C1orf21: variants seen among roughly 807,000 people sequenced by gnomAD.
C1orf21 encodes the protein chromosome 1 open reading frame 21, also known as uncharacterized protein C1orf21.
Under a neutral mutation model 18.7 loss-of-function variants are expected in C1orf21, and 3 were observed. The ratio of observed to expected loss-of-function variants is 0.16; its 90% CI spans 0.07 to 0.42. The LOEUF is 0.42. Ranked by LOEUF, C1orf21 falls within the 10% of genes least tolerant of loss-of-function variation. The probability of loss-of-function intolerance (pLI) is 0.99; values close to 1 mark genes in which losing one functional copy is unlikely to be tolerated. For synonymous variants in C1orf21, 41 were observed against 46.4 expected (o/e 0.88, Z 0.47); for missense variants, 104 against 143.6 (o/e 0.72, Z 1.41).
At chr1:184,603,173 G>A (rs1417940901) in intron 5 of C1orf21, among the ~76,000 whole-genome samples, 1 of 152,364 alleles carries the variant, frequency 6.6e-6, no homozygotes, top group East Asian at 1.9e-4. Flanking sequence ...GCTTCCGTCA[G>A]ATCCAGGGCC....
intron 1 of C1orf21, among the ~76,000 whole-genome samples, chr1:184,414,407 T>A (rs181696883): frequency 1.3e-5 from 2 of 152,286 alleles, no homozygotes; most frequent in Non-Finnish European, 2.9e-5. Flanking sequence ...AGATGATAGG[T>A]GTAAGTCACT....
chr1:184,536,913 A>G (rs940391249), intron 3 of C1orf21, among the ~76,000 whole-genome samples: 1 of 152,158 alleles, frequency 6.6e-6, no homozygotes, highest in African/African-American at 2.4e-5. Context: ...AAAAGAAACA[A>G]ATTAACTGGG....
intron 2 of C1orf21, among the ~76,000 whole-genome samples, chr1:184,488,782 C>G (rs985392714): frequency 6.6e-6 from 1 of 152,110 alleles, no homozygotes; most frequent in African/African-American, 2.4e-5. Context: ...CTGGGCAACA[C>G]GGTGAAATCC....
At chr1:184,398,632 A>G (rs1019226534) in intron 1 of C1orf21, among the ~76,000 whole-genome samples, 2 of 152,190 alleles carry the variant, frequency 1.3e-5, no homozygotes, top group South Asian at 4.1e-4. Context: ...ACAAACCTAG[A>G]TGGTATAGCT....
At position 184,628,068 on chromosome 1, in the gene C1orf21, T is replaced by A. The variant is rs1371503738; in HGVS notation, c.*8512T>A. 6.6e-6 allele frequency: 1 copy of A among 152,178 alleles called. No individual in the cohort carries two copies. The highest frequency in any genetic ancestry group is 1.5e-5 in the Non-Finnish European group (1 of 68,028). The allele number at this position is 152,178 out of a possible 1,614,324, so 9.4% of individuals were successfully genotyped here. ...AAGATTACGAGGCATCACCTCTCAA[T>A]CAGGTCTGGGAGGTATCTTGGGGCA... On this transcript the variant is annotated 3_prime_UTR_variant, in exon 6 of 6. Transcript: ENST00000235307.
intron 2 of C1orf21, among the ~76,000 whole-genome samples, chr1:184,490,618 T>C (rs956666247): frequency 1.2e-4 from 19 of 152,196 alleles, no homozygotes; most frequent in Non-Finnish European, 2.1e-4. Flanking sequence ...CTCTGGATTT[T>C]TTTTCAAGAC....
chr1:184,570,983 C>T (rs998273335), intron 3 of C1orf21, among the ~76,000 whole-genome samples: 12 of 152,188 alleles, frequency 7.9e-5, no homozygotes, highest in Non-Finnish European at 1.8e-4. Context: ...TCCATCTAAA[C>T]ATCTCTAAGC....
At chr1:184,422,182 G>C (rs755195190) in intron 1 of C1orf21, among the ~76,000 whole-genome samples, 2 of 152,150 alleles carry the variant, frequency 1.3e-5, no homozygotes, top group Non-Finnish European at 2.9e-5. Flanking sequence ...CATCAGGGCC[G>C]TGTGGATGTT....
chr1:184,432,665 TAAA>T (rs35288127), intron 1 of C1orf21, among the ~76,000 whole-genome samples: 1 of 149,310 alleles, frequency 6.7e-6, no homozygotes, highest in South Asian at 2.1e-4. Context: ...CTTAAAGTAT[TAAA>T]AAAAAAGAAA....
intron 4 of C1orf21, among the ~76,000 whole-genome samples, chr1:184,592,772 T>C (rs1659457704): frequency 6.6e-6 from 1 of 152,206 alleles, no homozygotes; most frequent in African/African-American, 2.4e-5. Flanking sequence ...TTACCCTGGC[T>C]CAGTGTCTGT....
chr1:184,590,278 T>G (rs1354333355), intron 3 of C1orf21, among the ~76,000 whole-genome samples: 1 of 152,206 alleles, frequency 6.6e-6, no homozygotes, highest in Non-Finnish European at 1.5e-5. Flanking sequence ...TGTCGTGGGT[T>G]TTAGTCATGT....
chr1:184,556,888 ACT>A (rs1658886240), intron 3 of C1orf21, among the ~76,000 whole-genome samples: 1 of 152,144 alleles, frequency 6.6e-6, no homozygotes, highest in South Asian at 2.1e-4. Context: ...CAACTGAATC[ACT>A]CTGATAAAAG....
In C1orf21 at chr1:184,621,997, A is replaced by G. The variant is rs1659923806; in HGVS notation, c.*2441A>G. ...CAACACCCAACACTGTCTGTTTTCC[A>G]TTTGTTGGTTTTAATCATAAAATTG... On this transcript the variant is annotated 3_prime_UTR_variant, in exon 6 of 6. Transcript: ENST00000235307. 6.6e-6 allele frequency: 1 copy of G among 152,216 alleles called. No individual in the cohort carries two copies. Among genetic ancestry groups the G allele is most frequent in the Non-Finnish European group, 1.5e-5 (1 of 68,032 alleles). The allele number at this position is 152,216 out of a possible 1,614,324, so 9.4% of individuals were successfully genotyped here.
chr1:184,397,874 G>C (rs1656086456), intron 1 of C1orf21, among the ~76,000 whole-genome samples: 1 of 152,156 alleles, frequency 6.6e-6, no homozygotes, highest in African/African-American at 2.4e-5. Flanking sequence ...CAGATGAATA[G>C]CCATCAATTG....
At chr1:184,425,205 T>TAACTGAG (rs1656614633) in intron 1 of C1orf21, among the ~76,000 whole-genome samples, 2 of 152,168 alleles carry the variant, frequency 1.3e-5, no homozygotes, top group South Asian at 4.2e-4. Flanking sequence ...GGTATTAGAT[T>TAACTGAG]AACTGAGATG....
chr1:184,421,069 T>C (rs1656540139), intron 1 of C1orf21, among the ~76,000 whole-genome samples: 1 of 152,196 alleles, frequency 6.6e-6, no homozygotes, highest in African/African-American at 2.4e-5. Context: ...ACCATTGTTT[T>C]GGTGCATTTC....
chr1:184,440,779 A>C (rs1656931018), intron 1 of C1orf21, among the ~76,000 whole-genome samples: 1 of 152,216 alleles, frequency 6.6e-6, no homozygotes. Flanking sequence ...TTACGTATTC[A>C]ACACTTATGT....
chr1:184,449,000 A>C (rs932501701), intron 1 of C1orf21, among the ~76,000 whole-genome samples: 2 of 152,122 alleles, frequency 1.3e-5, no homozygotes, highest in African/African-American at 4.8e-5. Flanking sequence ...CTTAATTTTT[A>C]ATTTATTTTT....
rs577451599 is a variant in C1orf21 at position 184,413,319 on chromosome 1, G to T, written c.-125+25951G>T. 2.6e-5 allele frequency among the ~76,000 whole-genome samples: 4 copies of T among 152,254 alleles called. No homozygotes were observed. In the East Asian group the frequency reaches 7.7e-4, roughly 29 times the overall value. ...ATTTGTCATCAAACCTAGAGGTGAAGCTCATCCTCACATCCCCGTAAAAAT... is the reference window on the plus strand; with the variant it reads ...ATTTGTCATCAAACCTAGAGGTGAATCTCATCCTCACATCCCCGTAAAAAT... On this transcript the variant is annotated intron_variant, in intron 1 of 5. Transcript: ENST00000235307.
Sources: allele counts gnomAD v4.1 joint callset (sites outside exome capture counted in the v4.1 genomes callset), GRCh38; gene constraint gnomAD v4.1.1; transcripts MANE v1.5; gene names NCBI Gene and HGNC (gene_info 2026-07-23, HGNC 2026-07-21).